Variants in EXT1 observed in about 807,000 individuals in gnomAD.
EXT1 encodes exostosin glycosyltransferase 1.
A neutral mutation model predicts 82.5 loss-of-function variants in EXT1; 20 were observed. The ratio of observed to expected loss-of-function variants is 0.24; its 90% CI spans 0.17 to 0.35. The LOEUF (loss-of-function observed/expected upper bound fraction) is 0.35. Among genes scored for constraint, EXT1 ranks in the 10% least tolerant of loss-of-function variants. The pLI is 1.00. For synonymous variants in EXT1, 348 were observed against 350.8 expected, an observed-to-expected ratio of 0.99 and a Z score of 0.09; for missense variants, 757 against 936.5, an observed-to-expected ratio of 0.81 and a Z score of 2.50.
chr8:117,867,159 T>A (rs1812786974), intron 1 of EXT1, among the ~76,000 whole-genome samples: 1 of 150,060 alleles, frequency 6.7e-6, no homozygotes, highest in Non-Finnish European at 1.5e-5. Context: ...CTTGGGAGGC[T>A]GAGGCAGAAG....
At chr8:118,009,560 G>A (rs990075726) in intron 1 of EXT1, among the ~76,000 whole-genome samples, 1 of 152,190 alleles carries the variant, frequency 6.6e-6, no homozygotes, top group African/African-American at 2.4e-5. Context: ...CAACCCTTGG[G>A]CAGCAGACCG....
rs141405201 is a variant in EXT1, at chr8:117,829,861, G to A, written c.1284+369C>T. On this transcript the variant is annotated intron_variant, in intron 4 of 10. Coordinates refer to ENST00000378204, the MANE Select transcript of EXT1 (RefSeq NM_000127.3). ...GCTGAGATTACAGGAGTGAGCCGCT[G>A]TGCCAAGCCATTAAATATTTTTTTC... 3.7e-3 allele frequency among the ~76,000 whole-genome samples: 560 copies of A among 152,186 alleles called. 1 individual carries two copies. Among genetic ancestry groups the A allele is most frequent in the African/African-American group, 0.013 (520 of 41,536 alleles).
intron 1 of EXT1, among the ~76,000 whole-genome samples, chr8:118,084,191 TATA>T (rs1191681880): frequency 6.6e-6 from 1 of 152,228 alleles, no homozygotes; most frequent in Non-Finnish European, 1.5e-5. Flanking sequence ...CTAGGACTTT[TATA>T]ATAACCTAGA....
At chr8:118,001,954 T>C (rs537248122) in intron 1 of EXT1, among the ~76,000 whole-genome samples, 173 of 152,374 alleles carry the variant, frequency 1.1e-3, no homozygotes, top group African/African-American at 3.7e-3. Flanking sequence ...GCTATCTTAA[T>C]GTCTATCAGT....
intron 1 of EXT1, among the ~76,000 whole-genome samples, chr8:118,103,499 G>A (rs1382778621): frequency 1.3e-5 from 2 of 152,146 alleles, no homozygotes; most frequent in Non-Finnish European, 2.9e-5. Flanking sequence ...CTTTTAAAGA[G>A]CCTTAGGTCC....
At chr8:117,937,774 G>A (rs1000651852) in intron 1 of EXT1, among the ~76,000 whole-genome samples, 9 of 152,354 alleles carry the variant, frequency 5.9e-5, no homozygotes, top group South Asian at 4.1e-4. Context: ...CAGTGAGAGA[G>A]AAGGAGAAAA....
intron 1 of EXT1, among the ~76,000 whole-genome samples, chr8:117,891,448 C>G (rs930117340): frequency 5.3e-5 from 8 of 152,148 alleles, no homozygotes; most frequent in African/African-American, 1.7e-4. Flanking sequence ...TCTTGAGCAG[C>G]TGTAATTGAC....
chr8:117,985,217 C>T (rs889403947), intron 1 of EXT1, among the ~76,000 whole-genome samples: 3 of 152,212 alleles, frequency 2.0e-5, no homozygotes, highest in Admixed American at 6.5e-5. Flanking sequence ...GGAACACTCA[C>T]CAAGCCTGTG....
chr8:118,045,322 C>T (rs1416995085), intron 1 of EXT1, among the ~76,000 whole-genome samples: 2 of 152,186 alleles, frequency 1.3e-5, no homozygotes, highest in Non-Finnish European at 2.9e-5. Context: ...TTATCGATTT[C>T]CTATGCAAAG....
intron 1 of EXT1, among the ~76,000 whole-genome samples, chr8:117,949,780 A>G (rs1246538972): frequency 6.6e-6 from 1 of 152,204 alleles, no homozygotes; most frequent in Non-Finnish European, 1.5e-5. Context: ...AGGATCTGCT[A>G]ATCTGAGAAA....
chr8:118,032,302 G>A (rs931987432), intron 1 of EXT1, among the ~76,000 whole-genome samples: 3 of 151,710 alleles, frequency 2.0e-5, no homozygotes, highest in African/African-American at 7.3e-5. Context: ...CCTCCTAGAC[G>A]TGGTGAATCA....
chr8:117,874,322 C>T (rs1469307346), intron 1 of EXT1, among the ~76,000 whole-genome samples: 3 of 152,036 alleles, frequency 2.0e-5, no homozygotes, highest in Non-Finnish European at 2.9e-5. Flanking sequence ...TAGCTACAAT[C>T]CCAGCACTTT....
chr8:117,944,100 C>G (rs1412411625), intron 1 of EXT1, among the ~76,000 whole-genome samples: 3 of 152,172 alleles, frequency 2.0e-5, no homozygotes, highest in Non-Finnish European at 4.4e-5. Flanking sequence ...CTTTTAACTA[C>G]TGTAAAAGAA....
rs574805065 is a variant in EXT1 at position 117,924,825 on chromosome 8, T to C, written c.963-87624A>G. 3.9e-4 allele frequency among the ~76,000 whole-genome samples: 60 copies of C among 152,336 alleles called. 1 individual carries two copies. The highest frequency in any genetic ancestry group is 1.2e-3 in the South Asian group (6 of 4,822). On this transcript the variant is annotated intron_variant, in intron 1 of 10. Coordinates refer to ENST00000378204, the MANE Select transcript of EXT1 (RefSeq NM_000127.3). The stretch of plus-strand genomic sequence containing the variant: ...CCAGTTCAAAAGGAATCTTATATTC[T>C]AGATGAGTTATTAGTAGTGTATATA...
At chr8:118,030,684 G>C (rs1260620327) in intron 1 of EXT1, among the ~76,000 whole-genome samples, 2 of 152,138 alleles carry the variant, frequency 1.3e-5, no homozygotes, top group Admixed American at 1.3e-4. Context: ...GTTTCACCAT[G>C]TTGGTCAGGC....
chr8:117,929,640 T>C (rs1814013480), intron 1 of EXT1, among the ~76,000 whole-genome samples: 1 of 152,206 alleles, frequency 6.6e-6, no homozygotes, highest in African/African-American at 2.4e-5. Context: ...CTGCTTCTAT[T>C]AGGGACATAG....
chr8:117,899,663 G>A (rs1196772035), intron 1 of EXT1, among the ~76,000 whole-genome samples: 1 of 152,172 alleles, frequency 6.6e-6, no homozygotes, highest in Non-Finnish European at 1.5e-5. Context: ...CTAGAGGGGT[G>A]GGGGAAACTG....
Position 117,951,087 on chromosome 8 carries a change from T to G in EXT1, c.963-113886A>C, listed in dbSNP as rs1361375375. Among the ~76,000 whole-genome samples, 3 of 152,166 alleles carry G rather than the reference T, an allele frequency of 2.0e-5. No homozygotes were observed. In the East Asian group the frequency reaches 5.8e-4, roughly 29 times the overall value. Reference sequence around the variant, plus strand: ...CTAATTGTATTTGAGATCATTTCCTTATGGAAACCTTTTCTGAGAGCTAAT... The same window carrying G: ...CTAATTGTATTTGAGATCATTTCCTGATGGAAACCTTTTCTGAGAGCTAAT... On this transcript the variant is annotated intron_variant, in intron 1 of 10. Coordinates refer to ENST00000378204, the MANE Select transcript of EXT1 (RefSeq NM_000127.3).
chr8:117,903,973 C>A (rs4876767), intron 1 of EXT1, among the ~76,000 whole-genome samples: 4 of 152,200 alleles, frequency 2.6e-5, no homozygotes, highest in Admixed American at 6.5e-5. Flanking sequence ...CTTAGGAACA[C>A]GCGTTACTCA....
Sources: gnomAD v4.1 joint callset for allele counts (sites outside exome capture counted in the v4.1 genomes callset) on GRCh38, gnomAD v4.1.1 for gene constraint, MANE v1.5 for transcripts, NCBI Gene and HGNC (gene_info 2026-07-23, HGNC 2026-07-21) for gene names.